Variants in ENOX1 observed in about 807,000 individuals in gnomAD.
The protein encoded by ENOX1 is candidate growth-related and time keeping constitutive hydroquinone (NADH) oxidase.
In ENOX1, 42 loss-of-function variants were observed where a neutral mutation model predicts 82.5. That is an observed-to-expected ratio of 0.51 (90% CI 0.40 to 0.66). ENOX1 has a LOEUF of 0.66. ENOX1 is among the 30% of genes least tolerant of loss of function. The pLI is 0.00. For missense variants in ENOX1, 608 were observed against 811.6 expected, an observed-to-expected ratio of 0.75 and a Z score of 3.05; for synonymous variants, 271 against 282.2, an observed-to-expected ratio of 0.96 and a Z score of 0.40.
chr13:43,518,475 G>A (rs1167511871), intron 2 of ENOX1, among the ~76,000 whole-genome samples: 1 of 151,950 alleles, frequency 6.6e-6, no homozygotes, highest in Non-Finnish European at 1.5e-5. Context: ...CTCAGGGGAG[G>A]CAGATGCGTT....
At chr13:43,759,065 G>T (rs1950812185) in intron 1 of ENOX1, among the ~76,000 whole-genome samples, 1 of 149,490 alleles carries the variant, frequency 6.7e-6, no homozygotes, top group Admixed American at 6.7e-5. Context: ...AGTTAAGTAA[G>T]TGAAAACCTG....
intron 14 of ENOX1, among the ~76,000 whole-genome samples, chr13:43,261,844 TG>T (rs1440774280): frequency 3.9e-5 from 3 of 76,096 alleles, no homozygotes; most frequent in Non-Finnish European, 7.4e-5. Context: ...TGTTGTGGGG[TG>T]GGGGGAGGGG....
chr13:43,485,528 G>A (rs2076382690), intron 2 of ENOX1, among the ~76,000 whole-genome samples: 1 of 152,142 alleles, frequency 6.6e-6, no homozygotes, highest in Non-Finnish European at 1.5e-5. Flanking sequence ...AAGAAACAAG[G>A]GAAAACGATT....
chr13:43,266,702 T>TG (rs1416697162), intron 13 of ENOX1, among the ~76,000 whole-genome samples: 1 of 152,206 alleles, frequency 6.6e-6, no homozygotes, highest in Non-Finnish European at 1.5e-5. Flanking sequence ...GAATACTGTC[T>TG]ATTATCACAG....
chr13:43,293,829 T>C (rs2046144788), intron 12 of ENOX1, among the ~76,000 whole-genome samples: 1 of 152,224 alleles, frequency 6.6e-6, no homozygotes, highest in Non-Finnish European at 1.5e-5. Context: ...GGGGTTACTT[T>C]GTATTTTAGG....
rs1388939231 is a variant in ENOX1, at chr13:43,360,018, C to A, written c.422G>T (p.Cys141Phe). The part of the protein sequence containing the change: ...PPSTRERPPG[C>F]KTVFVGGLPE... ...TAATCCTCCGACAAACACGGTCTTA[C>A]ACCCAGGAGGTCGTTCTCTTGTGGA... Residue 141 changes from cysteine to phenylalanine, a missense_variant, in exon 7 of 17, where the codon TGT becomes TTT. Coordinates refer to ENST00000690772, the MANE Select transcript of ENOX1 (RefSeq NM_001347969.2). 1.2e-6 allele frequency: 2 copies of A among 1,614,230 alleles called. No individual in the cohort carries two copies. Among genetic ancestry groups the A allele is most frequent in the Non-Finnish European group, 1.7e-6 (2 of 1,180,030 alleles).
intron 1 of ENOX1, among the ~76,000 whole-genome samples, chr13:43,680,843 T>C (rs1161019886): frequency 1.3e-5 from 2 of 152,084 alleles, no homozygotes; most frequent in African/African-American, 2.4e-5. Flanking sequence ...ACAAAAACAA[T>C]CTGGAAAATT....
intron 2 of ENOX1, among the ~76,000 whole-genome samples, chr13:43,650,118 A>G (rs7334122): frequency 0.037 from 5,621 of 152,270 alleles, 317 homozygotes; most frequent in African/African-American, 0.13. Flanking sequence ...AGGAACCTCA[A>G]GGCCTCACCA....
intron 5 of ENOX1, among the ~76,000 whole-genome samples, chr13:43,399,701 G>A (rs578062906): frequency 1.3e-5 from 2 of 152,260 alleles, no homozygotes; most frequent in South Asian, 4.2e-4. Flanking sequence ...AGTTTACGCA[G>A]CTAAGGGAAC....
chr13:43,560,593 T>C (rs2079626413), intron 2 of ENOX1, among the ~76,000 whole-genome samples: 1 of 152,206 alleles, frequency 6.6e-6, no homozygotes, highest in Non-Finnish European at 1.5e-5. Context: ...TTTTACTAAT[T>C]GAGTCCCTTG....
chr13:43,440,048 C>T (rs893742181), intron 3 of ENOX1, among the ~76,000 whole-genome samples: 1 of 152,146 alleles, frequency 6.6e-6, no homozygotes, highest in Admixed American at 6.5e-5. Context: ...TTATGTAAGA[C>T]AGCCCCTTAC....
chr13:43,488,432 C>G (rs937965960), intron 2 of ENOX1, among the ~76,000 whole-genome samples: 1 of 152,182 alleles, frequency 6.6e-6, no homozygotes, highest in East Asian at 1.9e-4. Flanking sequence ...AACTTTCTAG[C>G]CTCCAGGACT....
chr13:43,551,866 T>C (rs1478413531), intron 2 of ENOX1, among the ~76,000 whole-genome samples: 1 of 152,220 alleles, frequency 6.6e-6, no homozygotes, highest in Non-Finnish European at 1.5e-5. Flanking sequence ...GTAAGCTTAA[T>C]GAAATGATTT....
chr13:43,688,316 G>A (rs2086180223), intron 1 of ENOX1, among the ~76,000 whole-genome samples: 1 of 152,176 alleles, frequency 6.6e-6, no homozygotes, highest in Admixed American at 6.5e-5. Context: ...CACTTAGGAT[G>A]CTATTTCAGT....
intron 1 of ENOX1, among the ~76,000 whole-genome samples, chr13:43,747,815 C>T (rs1050430501): frequency 5.3e-5 from 8 of 152,208 alleles, no homozygotes; most frequent in Non-Finnish European, 8.8e-5. Context: ...GTCCTCAGAT[C>T]CCAAAGGGAT....
chr13:43,536,267 G>A (rs1001137856), intron 2 of ENOX1, among the ~76,000 whole-genome samples: 3 of 152,172 alleles, frequency 2.0e-5, no homozygotes, highest in Non-Finnish European at 4.4e-5. Context: ...AAGCCAATTA[G>A]TACAGAGATT....
At chr13:43,664,566 A>G (rs1028902926) in intron 2 of ENOX1, among the ~76,000 whole-genome samples, 2 of 152,120 alleles carry the variant, frequency 1.3e-5, no homozygotes, top group Non-Finnish European at 2.9e-5. Flanking sequence ...GCCCACCATC[A>G]CTCTGTTTGA....
At chr13:43,298,783 T>C (rs533560188) in intron 11 of ENOX1, among the ~76,000 whole-genome samples, 1 of 152,348 alleles carries the variant, frequency 6.6e-6, no homozygotes, top group African/African-American at 2.4e-5. Flanking sequence ...TCCTCCCAAA[T>C]TCTCATCCCT....
At chr13:43,658,007 GTTT>G (rs972734783) in intron 2 of ENOX1, among the ~76,000 whole-genome samples, 4 of 152,180 alleles carry the variant, frequency 2.6e-5, no homozygotes, top group African/African-American at 9.6e-5. Flanking sequence ...GAAATGGCTT[GTTT>G]TTTTAAAAAT....
Sources: allele counts gnomAD v4.1 joint callset (sites outside exome capture counted in the v4.1 genomes callset), GRCh38; gene constraint gnomAD v4.1.1; transcripts MANE v1.5; gene names NCBI Gene and HGNC (gene_info 2026-07-23, HGNC 2026-07-21).